The following MIA2 variants were observed in gnomAD, a reference collection of about 807,000 sequenced individuals.
The protein encoded by MIA2 is melanoma inhibitory activity protein 2.
Under a neutral mutation model 167.8 loss-of-function variants are expected in MIA2, and 127 were observed. That is an observed-to-expected ratio of 0.76 (90% CI 0.66 to 0.88). MIA2 has a LOEUF of 0.88. Among genes scored for constraint, MIA2 ranks in the 40% least tolerant of loss-of-function variants. The probability of loss-of-function intolerance (pLI) is 0.00; values close to 1 mark genes in which losing one functional copy is unlikely to be tolerated. For missense variants in MIA2, 1,690 were observed against 1,624.7 expected (o/e 1.04, Z -0.69); for synonymous variants, 552 against 541.9 (o/e 1.02, Z -0.26).
At chr14:39,263,854 G>A (rs8004348) in intron 6 of MIA2, among the ~76,000 whole-genome samples, 41,713 of 151,804 alleles carry the variant, frequency 0.27, 5,946 homozygotes, top group East Asian at 0.5. Context: ...GGCTGGTCTC[G>A]AACTCCTGAC....
At chr14:39,381,036 AC>A (rs1343521195) in intron 23 of MIA2, among the ~76,000 whole-genome samples, 2 of 151,456 alleles carry the variant, frequency 1.3e-5, no homozygotes, top group Admixed American at 1.3e-4. Context: ...AAAAAAAAAA[AC>A]AAAGGTAACA....
intron 17 of MIA2, among the ~76,000 whole-genome samples, chr14:39,307,865 CTT>C (rs2063614202): frequency 6.6e-6 from 1 of 151,698 alleles, no homozygotes; most frequent in African/African-American, 2.4e-5. Flanking sequence ...CATGTTCTCA[CTT>C]ATATATGGGA....
intron 14 of MIA2, among the ~76,000 whole-genome samples, chr14:39,301,035 TACATAC>T (rs1332874480): frequency 1.8e-3 from 126 of 68,678 alleles, no homozygotes; most frequent in African/African-American, 6.4e-3. Flanking sequence ...TATATACATA[TACATAC>T]ACACACACAC....
At chr14:39,357,543 C>T (rs565038196) in intron 23 of MIA2, among the ~76,000 whole-genome samples, 3 of 152,254 alleles carry the variant, frequency 2.0e-5, no homozygotes, top group East Asian at 1.9e-4. Flanking sequence ...GAGCATTTAG[C>T]CCATTTACAT....
intron 18 of MIA2, among the ~76,000 whole-genome samples, chr14:39,310,685 A>G (rs2064093756): frequency 1.3e-5 from 2 of 152,196 alleles, no homozygotes; most frequent in Admixed American, 1.3e-4. Context: ...TACTTTATCT[A>G]TTTGGAAACT....
At position 39,298,543 on chromosome 14, in the gene MIA2, T is replaced by TTTTTTTTTG. The variant is rs1476843037; in HGVS notation, c.2497-1313_2497-1312insGTTTTTTTT. Among the ~76,000 whole-genome samples, 483 of 107,150 alleles carry TTTTTTTTTG rather than the reference T, an allele frequency of 4.5e-3. 21 individuals carry two copies. Among genetic ancestry groups the TTTTTTTTTG allele is most frequent in the African/African-American group, 0.015 (445 of 29,164 alleles). The allele number at this position is 107,150 out of a possible 152,430, so 70.3% of individuals were successfully genotyped here. A position where few individuals can be genotyped will look rare whatever the true frequency, so the allele number is the denominator to read the frequency against. On this transcript the variant is annotated intron_variant, in intron 13 of 28. Transcript: ENST00000640607. ...TGGTAGAACAGAGTTTTTTTTTTTT[T>TTTTTTTTTG]TTTTTTTTTTTGTGAGCAACATGGC...
At chr14:39,263,877 G>A (rs762902264) in intron 6 of MIA2, among the ~76,000 whole-genome samples, 6 of 151,984 alleles carry the variant, frequency 3.9e-5, no homozygotes, top group South Asian at 2.1e-4. Flanking sequence ...CGAGTGATTC[G>A]CCCGCCTTGG....
At chr14:39,324,024 A>G (rs1335400545) in intron 24 of MIA2, among the ~76,000 whole-genome samples, 1 of 152,194 alleles carries the variant, frequency 6.6e-6, no homozygotes, top group Non-Finnish European at 1.5e-5. Context: ...TACTTTTATT[A>G]TCTTTTTAAT....
intron 6 of MIA2, among the ~76,000 whole-genome samples, chr14:39,268,180 G>T (rs749026425): frequency 2.0e-5 from 3 of 152,148 alleles, no homozygotes; most frequent in Non-Finnish European, 4.4e-5. Context: ...AGGTATCTTT[G>T]TTGACATGTG....
intron 18 of MIA2, among the ~76,000 whole-genome samples, chr14:39,311,942 G>A (rs866201133): frequency 1.3e-5 from 2 of 148,986 alleles, no homozygotes; most frequent in Non-Finnish European, 3.0e-5. Flanking sequence ...CAATTCTCCT[G>A]CCTCAGACTC....
chr14:39,339,915 A>G (rs1316928339), intron 25 of MIA2, among the ~76,000 whole-genome samples: 1 of 152,158 alleles, frequency 6.6e-6, no homozygotes, highest in Non-Finnish European at 1.5e-5. Context: ...GCATGAACAC[A>G]GCTTACTACA....
At chr14:39,263,670 C>A (rs2055257026) in intron 6 of MIA2, among the ~76,000 whole-genome samples, 2 of 139,730 alleles carry the variant, frequency 1.4e-5, no homozygotes, top group Non-Finnish European at 3.0e-5. Flanking sequence ...TTCACTCAGT[C>A]ACCGAGGCTG....
intron 14 of MIA2, among the ~76,000 whole-genome samples, chr14:39,300,915 CAT>C (rs113051095): frequency 3.5e-5 from 5 of 142,522 alleles, no homozygotes; most frequent in East Asian, 2.1e-4. Context: ...CAGAATTTGG[CAT>C]ATATATATAT....
intron 25 of MIA2, among the ~76,000 whole-genome samples, chr14:39,334,920 A>G (rs1046771240): frequency 1.3e-5 from 2 of 152,116 alleles, no homozygotes; most frequent in South Asian, 2.1e-4. Context: ...ACCTTGAGCA[A>G]TAAATTTTAC....
At chr14:39,297,384 G>A (rs1490824203) in intron 13 of MIA2, among the ~76,000 whole-genome samples, 18 of 152,118 alleles carry the variant, frequency 1.2e-4, no homozygotes, top group Non-Finnish European at 1.5e-5. Context: ...GAGCCACCAC[G>A]CCTGGCCAGG....
intron 23 of MIA2, among the ~76,000 whole-genome samples, chr14:39,366,730 G>C (rs2074830096): frequency 3.3e-5 from 5 of 152,176 alleles, no homozygotes; most frequent in Admixed American, 2.6e-4. Flanking sequence ...TCCTGGCAGA[G>C]CACTTGGATG....
chr14:39,300,795 A>C (rs971486782), intron 14 of MIA2, among the ~76,000 whole-genome samples: 3 of 151,720 alleles, frequency 2.0e-5, no homozygotes, highest in African/African-American at 7.3e-5. Flanking sequence ...GTGCACGTGT[A>C]TCCCAGAACT....
At position 39,328,486 on chromosome 14, in the gene MIA2, A is replaced by G. The variant is rs187517305; in HGVS notation, c.3655+1464A>G. 2.4e-4 allele frequency among the ~76,000 whole-genome samples: 36 copies of G among 152,208 alleles called. No individual in the cohort carries two copies. The East Asian group carries it at 6.6e-3, about 28-fold the overall frequency. On this transcript the variant is annotated intron_variant, in intron 25 of 28. Transcript: ENST00000640607. ...TCAGTTTAATTATATCTCATGTGTC[A>G]ATTTTGGCTTTTGTTGCCATTGCTT...
intron 24 of MIA2, among the ~76,000 whole-genome samples, chr14:39,324,318 TC>T (rs1661556343): frequency 6.6e-6 from 1 of 152,136 alleles, no homozygotes; most frequent in Non-Finnish European, 1.5e-5. Context: ...TTCCCAGCCT[TC>T]TTCTTCTAAT....
Sources: allele counts gnomAD v4.1 joint callset (sites outside exome capture counted in the v4.1 genomes callset), GRCh38; gene constraint gnomAD v4.1.1; transcripts MANE v1.5; gene names NCBI Gene and HGNC (gene_info 2026-07-23, HGNC 2026-07-21).